CLGN: variants seen among roughly 807,000 people sequenced by gnomAD.
The protein encoded by CLGN is calmegin, also known as testis tissue sperm-binding protein Li 79P.
In CLGN, 62 loss-of-function variants were observed where a neutral mutation model predicts 79.1. That is an observed-to-expected ratio of 0.78 (90% CI 0.64 to 0.97). CLGN has a LOEUF of 0.97. Ranked by LOEUF, CLGN falls within the 50% of genes least tolerant of loss-of-function variation. The pLI, the probability that CLGN is intolerant of heterozygous loss-of-function variation, is 0.00. For synonymous variants in CLGN, 225 were observed against 224.7 expected, an observed-to-expected ratio of 1.00 and a Z score of -0.01; for missense variants, 647 against 715.5, an observed-to-expected ratio of 0.90 and a Z score of 1.09.
chr4:140,405,880 A>G (rs1729097169), intron 5 of CLGN, 62 bp downstream of exon 5: 10 of 1,511,880 alleles, frequency 6.6e-6, no homozygotes, highest in Non-Finnish European at 7.1e-6. Context: ...TACAAGCTAT[A>G]TTCAGAAGCC....
chr4:140,409,185 A>C lies in CLGN; in HGVS notation c.277+652T>G, dbSNP rs530589951. Among the ~76,000 whole-genome samples the C allele has an allele frequency of 7.9e-5, 12 of 152,120 alleles. No homozygotes were observed. In the South Asian group the frequency reaches 1.2e-3, roughly 16 times the overall value. On this transcript the variant is annotated intron_variant, in intron 4 of 14. Transcript: ENST00000325617. ...CTCTGAGAAAGAAGAAATTACCACT[A>C]TCAGTCACTGTGAGAAGAGGCTGAT...
intron 1 of CLGN, among the ~76,000 whole-genome samples, chr4:140,424,494 C>T (rs1333908058): frequency 3.3e-5 from 5 of 152,086 alleles, no homozygotes; most frequent in Non-Finnish European, 7.4e-5. Flanking sequence ...TTGTTGGGTA[C>T]AGTGTTGTCC....
Position 140,410,544 on chromosome 4 carries a change from A to T in CLGN, c.218+9T>A. The T allele has an allele frequency of 6.4e-7, 1 of 1,573,354 alleles. No individual in the cohort carries two copies. The highest frequency in any genetic ancestry group is 1.1e-5 in the South Asian group (1 of 89,856). ...ATCAAAGAAAACATTCTCTTGAATG[A>T]ATACTCACCCAGCCAACCTTCCACT... On this transcript the variant is annotated intron_variant, in intron 3 of 14. Coordinates refer to ENST00000325617, the MANE Select transcript of CLGN (RefSeq NM_004362.3).
chr4:140,395,790 A>G, intron 10 of CLGN, 29 bp downstream of exon 10: 1 of 1,370,694 alleles, frequency 7.3e-7, no homozygotes, highest in Non-Finnish European at 9.5e-7. Flanking sequence ...TTTTAACTTC[A>G]CTAAATAATT....
At chr4:140,425,437 T>TGTGA (rs1188151832) in intron 1 of CLGN, among the ~76,000 whole-genome samples, 1 of 67,436 alleles carries the variant, frequency 1.5e-5, no homozygotes, top group Non-Finnish European at 4.0e-5. Flanking sequence ...AGGGTGTGTG[T>TGTGA]GTGTGTGTGT....
In CLGN at chr4:140,394,041, C is replaced by A; in HGVS notation, c.1150G>T (p.Gly384Ter). Residue 384 changes from glycine to a stop codon, truncating the protein, a stop_gained and splice_region_variant, in exon 11 of 15, where the codon GGA becomes TGA. Coordinates refer to ENST00000325617, the MANE Select transcript of CLGN (RefSeq NM_004362.3). LOFTEE classifies it high-confidence loss of function. ...PPLVDNPNYQ[G>*]IWSPRKIPNP... is the part of the protein sequence containing the mutation. The stretch of plus-strand genomic sequence containing the variant: ...GGAATTTTTCGAGGACTCCAGATTC[C>A]CTGGAAGAAAAGTAATTGAAGACAT... 6.3e-7 allele frequency: 1 copy of A among 1,598,366 alleles called. No individual in the cohort carries two copies. Among genetic ancestry groups the A allele is most frequent in the South Asian group, 1.1e-5 (1 of 89,388 alleles).
chr4:140,412,119 A>G (rs938877792), intron 2 of CLGN, among the ~76,000 whole-genome samples: 6 of 152,254 alleles, frequency 3.9e-5, no homozygotes, highest in Non-Finnish European at 8.8e-5. Flanking sequence ...GGCTTTAAAA[A>G]AAATTGTCCT....
intron 2 of CLGN, among the ~76,000 whole-genome samples, chr4:140,412,064 A>G (rs1475439411): frequency 6.6e-6 from 1 of 152,094 alleles, no homozygotes; most frequent in African/African-American, 2.4e-5. Context: ...CAAGTCAGTA[A>G]TTATTAGTAC....
chr4:140,415,522 A>G (rs1443320232), intron 1 of CLGN, among the ~76,000 whole-genome samples: 1 of 152,138 alleles, frequency 6.6e-6, no homozygotes, highest in Non-Finnish European at 1.5e-5. Flanking sequence ...CAAGCAAATG[A>G]AAAACAAAAA....
At chr4:140,422,429 TTC>T (rs1729486833) in intron 1 of CLGN, among the ~76,000 whole-genome samples, 1 of 152,232 alleles carries the variant, frequency 6.6e-6, no homozygotes, top group Non-Finnish European at 1.5e-5. Flanking sequence ...GTTTCTTAAT[TTC>T]TTTCAGCAGC....
intron 4 of CLGN, among the ~76,000 whole-genome samples, chr4:140,409,392 C>A (rs1332037996): frequency 6.6e-6 from 1 of 152,000 alleles, no homozygotes; most frequent in Admixed American, 6.6e-5. Context: ...TGGATATAGA[C>A]CTGGAGATGA....
intron 1 of CLGN, among the ~76,000 whole-genome samples, chr4:140,418,750 T>C (rs898255968): frequency 1.3e-5 from 2 of 149,722 alleles, no homozygotes; most frequent in Non-Finnish European, 3.0e-5. Context: ...TTTACACTGT[T>C]GGTGGGACTG....
intron 4 of CLGN, among the ~76,000 whole-genome samples, chr4:140,406,797 G>A (rs1487550241): frequency 1.3e-5 from 2 of 152,160 alleles, no homozygotes; most frequent in Non-Finnish European, 2.9e-5. Flanking sequence ...GCTACCTATA[G>A]CCCAAAAGTT....
At chr4:140,423,340 C>A (rs1290226432) in intron 1 of CLGN, among the ~76,000 whole-genome samples, 1 of 152,142 alleles carries the variant, frequency 6.6e-6, no homozygotes, top group African/African-American at 2.4e-5. Flanking sequence ...GCATGGTACA[C>A]TGATTTTCTT....
chr4:140,409,519 C>G (rs73855802), intron 4 of CLGN, among the ~76,000 whole-genome samples: 2,756 of 152,046 alleles, frequency 0.018, 91 homozygotes, highest in African/African-American at 0.063. Flanking sequence ...CAAGGTGTGT[C>G]TATGCTTGAG....
chr4:140,399,874 A>G (rs1197565641), intron 7 of CLGN, among the ~76,000 whole-genome samples: 2 of 152,222 alleles, frequency 1.3e-5, no homozygotes, highest in Non-Finnish European at 2.9e-5. Flanking sequence ...CACAACCAAC[A>G]CAAGGTAGGA....
intron 1 of CLGN, among the ~76,000 whole-genome samples, chr4:140,415,405 C>A (rs1268694415): frequency 1.4e-4 from 21 of 151,128 alleles, no homozygotes; most frequent in East Asian, 5.9e-4. Flanking sequence ...CACAGACTGG[C>A]AAATTGGATA....
chr4:140,409,077 C>T (rs1221423280), intron 4 of CLGN, among the ~76,000 whole-genome samples: 1 of 151,876 alleles, frequency 6.6e-6, no homozygotes, highest in Admixed American at 6.6e-5. Context: ...AGCTGACATC[C>T]AACATGCTAT....
chr4:140,423,645 C>T (rs1400733892), intron 1 of CLGN, among the ~76,000 whole-genome samples: 2 of 152,148 alleles, frequency 1.3e-5, no homozygotes, highest in African/African-American at 4.8e-5. Flanking sequence ...AGTGAAGCCA[C>T]CTAGTCCTGG....
Sources: gnomAD v4.1 joint callset for allele counts (sites outside exome capture counted in the v4.1 genomes callset) on GRCh38, gnomAD v4.1.1 for gene constraint, MANE v1.5 for transcripts, NCBI Gene and HGNC (gene_info 2026-07-23, HGNC 2026-07-21) for gene names.